The following TDRD12 variants were observed in gnomAD, a reference collection of about 807,000 sequenced individuals.
The protein encoded by TDRD12 is tudor domain containing 12.
TDRD12 carries 158 observed loss-of-function variants against 133.5 expected under a neutral mutation model. The ratio of observed to expected loss-of-function variants is 1.18; its 90% CI spans 1.04 to 1.35. TDRD12 has a LOEUF of 1.35. Ranked by LOEUF, TDRD12 falls within the 40% of genes most tolerant of loss-of-function variation. The probability of loss-of-function intolerance (pLI) is 0.00; values close to 1 mark genes in which losing one functional copy is unlikely to be tolerated. For synonymous variants in TDRD12, 460 were observed against 477.9 expected, an observed-to-expected ratio of 0.96 and a Z score of 0.49; for missense variants, 1,443 against 1,321.3, an observed-to-expected ratio of 1.09 and a Z score of -1.43.
At chr19:32,732,020 T>C in intron 2 of TDRD12, 137 bp downstream of exon 2, 1 of 881,700 alleles carries the variant, frequency 1.1e-6, no homozygotes, top group Non-Finnish European at 1.7e-6. Context: ...AGGTTTTTTT[T>C]TGAGATGGAG....
At chr19:32,808,445 G>T (rs1054607813) in intron 22 of TDRD12, among the ~76,000 whole-genome samples, 12 of 152,142 alleles carry the variant, frequency 7.9e-5, no homozygotes, top group Admixed American at 2.0e-4. Context: ...TGGCGTCCTT[G>T]CATCTCCGCC....
At chr19:32,826,633 C>T (rs111714445) in intron 9 of TDRD12, 35 bp downstream of exon 31, 26,973 of 1,234,684 alleles carry the variant, frequency 0.022, 381 homozygotes, top group Non-Finnish European at 0.025. Context: ...TGGTCTTTAC[C>T]CTGCGTGTGT....
intron 11 of TDRD12, among the ~76,000 whole-genome samples, chr19:32,790,014 A>G (rs1025371507): frequency 5.9e-5 from 9 of 151,936 alleles, no homozygotes; most frequent in Middle Eastern, 3.2e-3. Context: ...AAAAAAAAAG[A>G]AAAAAGAAAA....
At position 32,736,148 on chromosome 19, in the gene TDRD12, G is replaced by A. The variant is rs1021281613; in HGVS notation, c.184-2708G>A. ...GCTAGCTCTACTCTATCTGCTCTAC[G>A]AATGGAACAAGAAAGCCTGAATGAC... On this transcript the variant is annotated intron_variant, in intron 2 of 27. Coordinates refer to ENST00000444215, the Ensembl canonical transcript of TDRD12. Among the ~76,000 whole-genome samples the A allele has an allele frequency of 1.1e-4, 17 of 152,242 alleles. No homozygotes were observed. In the East Asian group the frequency reaches 3.3e-3, roughly 29 times the overall value.
At chr19:32,729,193 C>CTACTTT (rs1968958568) in intron 1 of TDRD12, among the ~76,000 whole-genome samples, 1 of 144,402 alleles carries the variant, frequency 6.9e-6, no homozygotes, top group Admixed American at 7.0e-5. Context: ...TTTCTGGTGA[C>CTACTTT]TGCTTTTTCT....
chr19:32,758,347 C>T (rs1970054964), intron 8 of TDRD12, among the ~76,000 whole-genome samples: 1 of 152,084 alleles, frequency 6.6e-6, no homozygotes, highest in Non-Finnish European at 1.5e-5. Flanking sequence ...AAAGCAAACA[C>T]ACCACTCAAA....
intron 21 of TDRD12, among the ~76,000 whole-genome samples, chr19:32,806,462 C>A (rs1041540834): frequency 8.6e-5 from 13 of 151,704 alleles, no homozygotes; most frequent in South Asian, 2.1e-4. Context: ...TGTGCCTCAG[C>A]CTCCTGAGAA....
chr19:32,719,829 C>T (rs1342785946), exon 1 of TDRD12: 2 of 577,994 alleles, frequency 3.5e-6, no homozygotes, highest in African/African-American at 1.9e-5. Flanking sequence ...GGCAGGGATC[C>T]CGCAGCGAGG....
At position 32,791,363 on chromosome 19, in the gene TDRD12, G is replaced by A. The variant is rs886478551; in HGVS notation, c.1287+295G>A. ...AGGATGCCTGTGGACAGGGCTGTGGGAGGAGCAGCAGGCCACCAGGGCAAT... is the reference window on the plus strand; with the variant it reads ...AGGATGCCTGTGGACAGGGCTGTGGAAGGAGCAGCAGGCCACCAGGGCAAT... On this transcript the variant is annotated intron_variant, in intron 13 of 27. Coordinates refer to ENST00000444215, the Ensembl canonical transcript of TDRD12. Among the ~76,000 whole-genome samples, 13 of 152,248 alleles carry A rather than the reference G, an allele frequency of 8.5e-5. No homozygotes were observed. In the East Asian group the frequency reaches 2.5e-3, roughly 29 times the overall value.
At chr19:32,721,735 T>C (rs1350584564) in intron 1 of TDRD12, among the ~76,000 whole-genome samples, 1 of 144,344 alleles carries the variant, frequency 6.9e-6, no homozygotes, top group East Asian at 2.0e-4. Flanking sequence ...TGAGAAGGAG[T>C]CTTGCTCAGT....
Position 32,726,913 on chromosome 19 carries a change from A to G in TDRD12, c.25-4812A>G, listed in dbSNP as rs111982666. ...CTGCTATGAACACAGGTGTGTACGT[A>G]TCTCTTCAAGATCTTTCAATTCTCG... On this transcript the variant is annotated intron_variant, in intron 1 of 27. Coordinates refer to ENST00000444215, the Ensembl canonical transcript of TDRD12. Among the ~76,000 whole-genome samples, 29 of 152,050 alleles carry G rather than the reference A, an allele frequency of 1.9e-4. 1 individual carries two copies. Among genetic ancestry groups the G allele is most frequent in the African/African-American group, 6.7e-4 (28 of 41,494 alleles).
At chr19:32,797,137 C>T (rs1241536287) in intron 14 of TDRD12, among the ~76,000 whole-genome samples, 6 of 151,970 alleles carry the variant, frequency 3.9e-5, no homozygotes, top group Non-Finnish European at 5.9e-5. Flanking sequence ...CACACTACCA[C>T]GCCTGGCTAA....
At chr19:32,781,839 C>A (rs913467349) in intron 11 of TDRD12, among the ~76,000 whole-genome samples, 9 of 152,084 alleles carry the variant, frequency 5.9e-5, no homozygotes, top group African/African-American at 1.4e-4. Context: ...ATGTCCCTTA[C>A]CCCTGGGAAA....
chr19:32,813,530 T>G (rs1395591657), intron 24 of TDRD12, among the ~76,000 whole-genome samples, 154 bp from the exon 25 acceptor site: 1 of 152,190 alleles, frequency 6.6e-6, no homozygotes, highest in African/African-American at 2.4e-5. Flanking sequence ...CTGTTAGCCT[T>G]GTGGACGAGA....
chr19:32,773,342 G>A (rs1431379568), intron 9 of TDRD12, 114 bp from the exon 10 acceptor site: 1 of 902,286 alleles, frequency 1.1e-6, no homozygotes, highest in African/African-American at 1.7e-5. Flanking sequence ...GTGCATGAAA[G>A]ATGTCTGGGA....
intron 11 of TDRD12, among the ~76,000 whole-genome samples, chr19:32,785,379 A>G (rs1273788271): frequency 6.6e-6 from 1 of 152,170 alleles, no homozygotes; most frequent in East Asian, 1.9e-4. Flanking sequence ...TTTACTTCCA[A>G]TTATGTGGTC....
intron 1 of TDRD12, among the ~76,000 whole-genome samples, chr19:32,730,492 TTA>T (rs1354076924): frequency 6.6e-6 from 1 of 152,162 alleles, no homozygotes; most frequent in African/African-American, 2.4e-5. Context: ...CCAGGGTTTA[TTA>T]TTGTTACCCA....
intron 1 of TDRD12, among the ~76,000 whole-genome samples, chr19:32,721,240 TGGA>T (rs1968651439): frequency 6.6e-6 from 1 of 152,144 alleles, no homozygotes; most frequent in Non-Finnish European, 1.5e-5. Context: ...AAAGCGTTGC[TGGA>T]GGAAGGAGTT....
intron 13 of TDRD12, 34 bp from the exon 14 acceptor site, chr19:32,794,594 C>A: frequency 1.4e-6 from 1 of 694,876 alleles, no homozygotes; most frequent in South Asian, 1.5e-5. Flanking sequence ...TTTTCTCTAC[C>A]TTATTTTGGT....
Sources: gnomAD v4.1 joint callset for allele counts (sites outside exome capture counted in the v4.1 genomes callset) on GRCh38, gnomAD v4.1.1 for gene constraint, MANE v1.5 for transcripts, NCBI Gene and HGNC (gene_info 2026-07-23, HGNC 2026-07-21) for gene names.